CPAMD8: variants seen among roughly 807,000 people sequenced by gnomAD.
CPAMD8 encodes the protein C3 and PZP-like alpha-2-macroglobulin domain-containing protein 8.
CPAMD8 carries 146 observed loss-of-function variants against 224.7 expected under a neutral mutation model. The ratio of observed to expected loss-of-function variants is 0.65; its 90% CI spans 0.57 to 0.75. CPAMD8 has a LOEUF of 0.75. CPAMD8 is among the 30% of genes least tolerant of loss of function. CPAMD8 has a pLI of 0.00. For missense variants in CPAMD8, 2,301 were observed against 2,537.5 expected, an observed-to-expected ratio of 0.91 and a Z score of 2.00; for synonymous variants, 966 against 1,044.6, an observed-to-expected ratio of 0.92 and a Z score of 1.45.
intron 12 of CPAMD8, among the ~76,000 whole-genome samples, chr19:16,990,315 T>G (rs2055895714): frequency 6.6e-6 from 1 of 150,654 alleles, no homozygotes; most frequent in Admixed American, 6.6e-5. Context: ...GCAGAGTGGG[T>G]GCATACCTAT....
rs115985135 is a variant in CPAMD8, at chr19:16,980,279, G to A, written c.1585+218C>T. Among the ~76,000 whole-genome samples the A allele has an allele frequency of 7.0e-3, 1,063 of 152,292 alleles. 14 individuals are homozygous for A. The highest frequency in any genetic ancestry group is 0.024 in the African/African-American group (982 of 41,554). On this transcript the variant is annotated intron_variant, in intron 14 of 41. Coordinates refer to ENST00000443236, the MANE Select transcript of CPAMD8 (RefSeq NM_015692.5). ...GCTTTCCCTGTCCCCTGCACACACA[G>A]AGTGAGAAGAGTCTGGGGCCTGAAC...
intron 13 of CPAMD8, among the ~76,000 whole-genome samples, chr19:16,987,404 G>A (rs1392126287): frequency 6.6e-6 from 1 of 151,376 alleles, no homozygotes; most frequent in Non-Finnish European, 1.5e-5. Flanking sequence ...TCAGCCTACT[G>A]AACGTGAAGA....
At chr19:17,002,807 G>A (rs370888802) in intron 8 of CPAMD8, among the ~76,000 whole-genome samples, 1 of 152,162 alleles carries the variant, frequency 6.6e-6, no homozygotes, top group Non-Finnish European at 1.5e-5. Context: ...GGGCGGAGGT[G>A]ACACCCTGGA....
intron 23 of CPAMD8, among the ~76,000 whole-genome samples, chr19:16,934,372 T>A (rs1164911595): frequency 6.6e-6 from 1 of 152,200 alleles, no homozygotes; most frequent in Non-Finnish European, 1.5e-5. Flanking sequence ...CCTTTACTAT[T>A]CATATAAATA....
intron 41 of CPAMD8, chr19:16,894,779 C>T (rs947417998): frequency 1.5e-5 from 4 of 267,778 alleles, no homozygotes; most frequent in Non-Finnish European, 2.3e-5. Flanking sequence ...CAGTGGCTCA[C>T]GCCTGTAATC....
chr19:16,979,224 C>T, intron 14 of CPAMD8, among the ~76,000 whole-genome samples: 1 of 151,662 alleles, frequency 6.6e-6, no homozygotes, highest in Non-Finnish European at 1.5e-5. Context: ...CACTATCCAT[C>T]CATCCATCCA....
Position 16,947,116 on chromosome 19 carries a change from C to T in CPAMD8, c.2620G>A (p.Val874Ile). 1.2e-6 allele frequency: 2 copies of T among 1,613,522 alleles called. No individual in the cohort carries two copies. The highest frequency in any genetic ancestry group is 1.7e-6 in the Non-Finnish European group (2 of 1,179,632). ...VAPGEAEPIW[V>I]VLSFSDLGLN... ...CCCAGGTCGCTGAAGGACAGAACGA[C>T]CCAGATGGGCTCAGCCTCCCCGGGG... The change falls in exon 21 of 42, where the codon GTC (valine) becomes ATC (isoleucine). Residue 874 changes from valine to isoleucine, a missense_variant. By Grantham distance (29) the Val-to-Ile change is conservative (BLOSUM62 3). This residue lies in a region of CPAMD8 where 1,709 missense variants were observed against 1,753.2 expected (regional missense o/e 0.97). Transcript: ENST00000443236.
At chr19:16,991,039 G>A (rs1338470947) in intron 12 of CPAMD8, among the ~76,000 whole-genome samples, 1 of 151,972 alleles carries the variant, frequency 6.6e-6, no homozygotes, top group African/African-American at 2.4e-5. Flanking sequence ...AAGGGAGAGG[G>A]CAGGAGATTG....
chr19:16,896,327 C>G lies in CPAMD8; in HGVS notation c.5276-1G>C. 1 of 1,604,258 alleles carries G rather than the reference C, an allele frequency of 6.2e-7. No homozygotes were observed. The highest frequency in any genetic ancestry group is 8.5e-7 in the Non-Finnish European group (1 of 1,175,396). On this transcript the variant is annotated splice_acceptor_variant, in intron 40 of 41. Coordinates refer to ENST00000443236, the MANE Select transcript of CPAMD8 (RefSeq NM_015692.5). LOFTEE classifies it high-confidence loss of function. ...GACGACGAGGCCGGCAGCCGCTGCT[C>G]TGGAAGGAAGGGGGCCTCGGTCGGG...
intron 23 of CPAMD8, among the ~76,000 whole-genome samples, chr19:16,929,769 T>C (rs2053492404): frequency 6.6e-6 from 1 of 152,042 alleles, no homozygotes; most frequent in Admixed American, 6.6e-5. Flanking sequence ...ATGAGCAAGG[T>C]GTTGAAAATT....
intron 21 of CPAMD8, among the ~76,000 whole-genome samples, chr19:16,946,360 GGTGT>G (rs751298259): frequency 3.4e-5 from 5 of 147,040 alleles, no homozygotes; most frequent in Non-Finnish European, 7.5e-5. Context: ...TACACGTGGG[GGTGT>G]GTGTGTGTGG....
Position 17,022,198 on chromosome 19 carries a change from C to A in CPAMD8, c.93-17G>T, listed in dbSNP as rs1383921536. 1 of 1,606,196 alleles carries A rather than the reference C, an allele frequency of 6.2e-7. No individual in the cohort carries two copies. Among genetic ancestry groups the A allele is most frequent in the South Asian group, 1.1e-5 (1 of 89,712 alleles). On this transcript the variant is annotated splice_polypyrimidine_tract_variant and intron_variant, in intron 1 of 41. Coordinates refer to ENST00000443236, the MANE Select transcript of CPAMD8 (RefSeq NM_015692.5). ...AAGTAACCCCTGCAGGAAAGGAGAT[C>A]CGAGGTGAAGTTCTCACCCCAGACC...
chr19:16,994,109 GA>G (rs1303630921), intron 11 of CPAMD8, among the ~76,000 whole-genome samples: 5 of 152,004 alleles, frequency 3.3e-5, no homozygotes, highest in South Asian at 2.1e-4. Context: ...TCTCTTAAGA[GA>G]AAAAAAGTTT....
At chr19:16,929,342 T>A in intron 23 of CPAMD8, 102 bp from the exon 24 acceptor site, 2 of 910,844 alleles carry the variant, frequency 2.2e-6, no homozygotes, top group Non-Finnish European at 3.4e-6. Flanking sequence ...AAGGAGTGGG[T>A]CTCACTGTGA....
intron 7 of CPAMD8, among the ~76,000 whole-genome samples, chr19:17,005,386 C>T (rs543215577): frequency 6.6e-6 from 1 of 151,516 alleles, no homozygotes; most frequent in Non-Finnish European, 1.5e-5. Context: ...TCCGACCCCC[C>T]ACCCCTCCAT....
intron 21 of CPAMD8, among the ~76,000 whole-genome samples, chr19:16,945,988 TA>T (rs2054064009): frequency 6.6e-6 from 1 of 152,132 alleles, no homozygotes; most frequent in Non-Finnish European, 1.5e-5. Flanking sequence ...TGTGTACAAA[TA>T]TGTGTGTGCA....
Position 16,902,820 on chromosome 19 carries a change from G to T in CPAMD8, c.4514C>A (p.Ala1505Asp). Residue 1505 changes from alanine (A) to aspartate (D), a missense_variant, in exon 35 of 42, where the codon GCT becomes GAT. By Grantham distance (126) the Ala-to-Asp change is moderately radical. Coordinates refer to ENST00000443236, the MANE Select transcript of CPAMD8 (RefSeq NM_015692.5). ...YNVPDPVAKP[A>D]FQLLVSLQEP... Reference sequence around the variant, plus strand: ...CTGGAGGCTTACGAGCAGCTGGAAAGCTGGCTTGGCCACCGGGTCAGGCAC... The same window carrying T: ...CTGGAGGCTTACGAGCAGCTGGAAATCTGGCTTGGCCACCGGGTCAGGCAC... 1 of 1,564,750 alleles carries T rather than the reference G, an allele frequency of 6.4e-7. No individual in the cohort carries two copies. The highest frequency in any genetic ancestry group is 1.2e-5 in the South Asian group (1 of 84,758).
chr19:17,020,959 G>A (rs2123251346), intron 2 of CPAMD8, among the ~76,000 whole-genome samples: 1 of 152,274 alleles, frequency 6.6e-6, no homozygotes, highest in East Asian at 1.9e-4. Context: ...CACCTTCCTG[G>A]GACTCTGAGC....
chr19:16,939,565 G>C (rs1035410246), intron 22 of CPAMD8, among the ~76,000 whole-genome samples: 1 of 152,248 alleles, frequency 6.6e-6, no homozygotes, highest in Admixed American at 6.5e-5. Flanking sequence ...CCAGGTAGCT[G>C]GTTAAACACT....
Sources: allele counts gnomAD v4.1 joint callset (sites outside exome capture counted in the v4.1 genomes callset), GRCh38; gene constraint gnomAD v4.1.1; regional missense constraint gnomAD v4.1.1; transcripts MANE v1.5; gene names NCBI Gene and HGNC (gene_info 2026-07-23, HGNC 2026-07-21).